Variants in VEGFC observed in about 807,000 individuals in gnomAD.
VEGFC encodes vascular endothelial growth factor C, also known as FLT4 ligand DHM.
VEGFC carries 12 observed loss-of-function variants against 46.1 expected under a neutral mutation model. The ratio of observed to expected loss-of-function variants is 0.26; its 90% confidence interval spans 0.17 to 0.42. VEGFC has a LOEUF of 0.42. VEGFC is among the 10% of genes least tolerant of loss of function. VEGFC has a pLI of 1.00. For missense variants in VEGFC, 488 were observed against 529.4 expected, an observed-to-expected ratio of 0.92 and a Z score of 0.77; for synonymous variants, 232 against 195.5, an observed-to-expected ratio of 1.19 and a Z score of -1.56.
At position 176,792,255 on chromosome 4, in the gene VEGFC, G is replaced by C; in HGVS notation, c.57C>G (p.Leu19=). The part of the protein sequence containing the change: ...VACSLLAAAL[L]PGPREAPAAA... ...CGGCGGGCGCCTCGCGAGGACCCGG[G>C]AGCAGCGCAGCGGCGAGCAGAGAAC... The change falls in exon 1 of 7, where the codon CTC becomes CTG. Residue 19 remains leucine, a synonymous_variant. Coordinates refer to ENST00000618562, the MANE Select transcript of VEGFC (RefSeq NM_005429.5). The surrounding 1 kb of genome is among the most constrained non-coding windows in gnomAD (Gnocchi z 6.3). The C allele has an allele frequency of 6.4e-7, 1 of 1,559,602 alleles. No individual in the cohort carries two copies.
chr4:176,725,862 T>C (rs1045458795), intron 3 of VEGFC, among the ~76,000 whole-genome samples: 1 of 152,122 alleles, frequency 6.6e-6, no homozygotes, highest in African/African-American at 2.4e-5. Flanking sequence ...ATTAATATGT[T>C]TTAAAAATGA....
rs550894325 is a variant in VEGFC at position 176,777,294 on chromosome 4, C to G, written c.147+14871G>C. 5.5e-4 allele frequency among the ~76,000 whole-genome samples: 84 copies of G among 152,208 alleles called. 1 individual carries two copies. The highest frequency in any genetic ancestry group is 3.4e-3 in the Middle Eastern group (1 of 294). On this transcript the variant is annotated intron_variant, in intron 1 of 6. Transcript: ENST00000618562. ...ATCGCACCACTGCACTCCAGCCTGG[C>G]CGAGACAGCGAGACTCCGTCTCAAA...
intron 1 of VEGFC, among the ~76,000 whole-genome samples, chr4:176,748,890 G>A (rs1266509233): frequency 1.3e-5 from 2 of 151,746 alleles, no homozygotes; most frequent in African/African-American, 4.8e-5. Context: ...TATGATGAAT[G>A]AGTATAAAAT....
intron 6 of VEGFC, among the ~76,000 whole-genome samples, chr4:176,686,963 G>A (rs983493596): frequency 3.3e-5 from 5 of 152,088 alleles, no homozygotes; most frequent in African/African-American, 1.2e-4. Flanking sequence ...TATATTCTGA[G>A]CTTGGATCTA....
chr4:176,687,709 AG>A, intron 5 of VEGFC, 111 bp downstream of exon 5: 1 of 1,016,732 alleles, frequency 9.8e-7, no homozygotes, highest in South Asian at 1.7e-5. Context: ...ACTATTTTTT[AG>A]TCACTTATTT....
chr4:176,751,303 C>T (rs1297151077), intron 1 of VEGFC, among the ~76,000 whole-genome samples: 4 of 151,812 alleles, frequency 2.6e-5, no homozygotes, highest in Non-Finnish European at 5.9e-5. Context: ...AGAATTGAAA[C>T]GCGAATAGCT....
intron 4 of VEGFC, among the ~76,000 whole-genome samples, chr4:176,697,452 G>T (rs1346093994): frequency 2.6e-5 from 4 of 152,138 alleles, no homozygotes; most frequent in Non-Finnish European, 5.9e-5. Flanking sequence ...CTCACACCAC[G>T]TAGAATGGCA....
At chr4:176,688,531 A>G (rs182665133) in intron 4 of VEGFC, among the ~76,000 whole-genome samples, 89 of 152,232 alleles carry the variant, frequency 5.8e-4, no homozygotes, top group African/African-American at 2.0e-3. Context: ...GTACTCCCCC[A>G]AAAAGTTATC....
chr4:176,739,337 CA>C (rs1560951138), intron 1 of VEGFC, among the ~76,000 whole-genome samples: 2 of 151,348 alleles, frequency 1.3e-5, no homozygotes. Flanking sequence ...CATTATATTA[CA>C]AAATCATTGC....
intron 4 of VEGFC, among the ~76,000 whole-genome samples, chr4:176,691,987 G>A (rs999333844): frequency 1.3e-4 from 20 of 152,170 alleles, no homozygotes; most frequent in African/African-American, 4.8e-4. Flanking sequence ...CCTCACTTGG[G>A]AAGCACAAGT....
At chr4:176,688,992 A>G (rs748891477) in intron 4 of VEGFC, among the ~76,000 whole-genome samples, 5 of 152,328 alleles carry the variant, frequency 3.3e-5, no homozygotes, top group Middle Eastern at 3.4e-3. Flanking sequence ...TATATCCTGT[A>G]GAATGTTTTC....
chr4:176,742,197 G>C (rs949062536), intron 1 of VEGFC, among the ~76,000 whole-genome samples: 2 of 151,930 alleles, frequency 1.3e-5, no homozygotes, highest in Non-Finnish European at 1.5e-5. Context: ...TTGATTTTCT[G>C]TTTCTGTGTT....
chr4:176,769,478 C>T (rs187258096), intron 1 of VEGFC, among the ~76,000 whole-genome samples: 2 of 152,238 alleles, frequency 1.3e-5, no homozygotes, highest in Non-Finnish European at 2.9e-5. Context: ...TCACTGGTAT[C>T]TTGGAGCTAT....
At chr4:176,782,735 T>C (rs1471321822) in intron 1 of VEGFC, among the ~76,000 whole-genome samples, 1 of 152,186 alleles carries the variant, frequency 6.6e-6, no homozygotes, top group African/African-American at 2.4e-5. Flanking sequence ...TATAGTATTA[T>C]CTAATTTTTA....
chr4:176,771,694 C>T (rs1030583777), intron 1 of VEGFC, among the ~76,000 whole-genome samples: 1 of 152,148 alleles, frequency 6.6e-6, no homozygotes, highest in Admixed American at 6.5e-5. Flanking sequence ...TGTGGACACG[C>T]CACTTGGAAG....
intron 4 of VEGFC, among the ~76,000 whole-genome samples, chr4:176,692,875 C>G (rs1734231237): frequency 6.8e-6 from 1 of 146,432 alleles, no homozygotes; most frequent in Non-Finnish European, 1.5e-5. Flanking sequence ...ACACTGACAC[C>G]TCACACAGCA....
rs373832349 is a variant in VEGFC at position 176,783,305 on chromosome 4, G to C, written c.147+8860C>G. 5.4e-4 allele frequency among the ~76,000 whole-genome samples: 82 copies of C among 152,190 alleles called. 1 individual carries two copies. Among genetic ancestry groups the C allele is most frequent in the South Asian group, 4.6e-3 (22 of 4,826 alleles). On this transcript the variant is annotated intron_variant, in intron 1 of 6. Coordinates refer to ENST00000618562, the MANE Select transcript of VEGFC (RefSeq NM_005429.5). ...AACAAATTCACACAAGTTTAACTCTGGCATATAGCATTCTCCCCTTAAGTT... is the reference window on the plus strand; with the variant it reads ...AACAAATTCACACAAGTTTAACTCTCGCATATAGCATTCTCCCCTTAAGTT...
rs145504348 is a variant in VEGFC, at chr4:176,768,491, C to CATATATATATATATATATATATATAT, written c.147+23673_147+23674insATATATATATATATATATATATATAT. On this transcript the variant is annotated intron_variant, in intron 1 of 6. Coordinates refer to ENST00000618562, the MANE Select transcript of VEGFC (RefSeq NM_005429.5). ...CTGCCAAGTAAGAGGATGTTTTATA[C>CATATATATATATATATATATATATAT]ATATATATATATATATATATATTTC... Among the ~76,000 whole-genome samples the CATATATATATATATATATATATATAT allele has an allele frequency of 4.1e-3, 414 of 100,490 alleles. 16 individuals carry two copies. The highest frequency in any genetic ancestry group is 7.0e-3 in the East Asian group (15 of 2,128). 65.9% of individuals were successfully genotyped at this position (100,490 alleles called of 152,430 possible). A position where few individuals can be genotyped will look rare whatever the true frequency, so the allele number is the denominator to read the frequency against.
At chr4:176,684,283 T>C (rs1337429678) in intron 6 of VEGFC, among the ~76,000 whole-genome samples, 2 of 152,226 alleles carry the variant, frequency 1.3e-5, no homozygotes, top group African/African-American at 4.8e-5. Context: ...TGAGGTATTG[T>C]AAGCATTAGT....
Sources: allele counts gnomAD v4.1 joint callset (sites outside exome capture counted in the v4.1 genomes callset), GRCh38; gene constraint gnomAD v4.1.1; non-coding constraint Gnocchi (gnomAD v3.1); transcripts MANE v1.5; gene names NCBI Gene and HGNC (gene_info 2026-07-23, HGNC 2026-07-21).